TMX3: variants seen among roughly 807,000 people sequenced by gnomAD.
TMX3 encodes the protein protein disulfide-isomerase TMX3.
A neutral mutation model predicts 64.4 loss-of-function variants in TMX3; 40 were observed. That is an observed-to-expected ratio of 0.62 (90% CI 0.48 to 0.81). The LOEUF (loss-of-function observed/expected upper bound fraction) is 0.81, where lower values mean the gene tolerates loss of function less well. Among genes scored for constraint, TMX3 ranks in the 30% least tolerant of loss-of-function variants. The pLI, the probability that TMX3 is intolerant of heterozygous loss-of-function variation, is 0.00. For synonymous variants in TMX3, 189 were observed against 175.7 expected (o/e 1.08, Z -0.60); for missense variants, 497 against 534.5 (o/e 0.93, Z 0.69).
chr18:68,715,022 G>A lies in TMX3; in HGVS notation c.-41C>T, dbSNP rs766185629. ...CTGCAGAAGCTGACTGTGCAAAAGA[G>A]GGATAAAGACACTGGGGTCCGCCGC... On this transcript the variant is annotated 5_prime_UTR_variant, in exon 1 of 16. Transcript: ENST00000299608. 6 of 1,555,068 alleles carry A rather than the reference G, an allele frequency of 3.9e-6. No homozygotes were observed. The highest frequency in any genetic ancestry group is 3.6e-5 in the South Asian group (3 of 84,302).
At chr18:68,677,425 A>G (rs1913029509) in intron 15 of TMX3, among the ~76,000 whole-genome samples, 1 of 152,132 alleles carries the variant, frequency 6.6e-6, no homozygotes, top group Non-Finnish European at 1.5e-5. Context: ...TTAGCAACAG[A>G]AAAAGGCATC....
Position 68,676,865 on chromosome 18 carries a change from G to C in TMX3, c.*68C>G, listed in dbSNP as rs1568176397. On this transcript the variant is annotated 3_prime_UTR_variant, in exon 16 of 16. Transcript: ENST00000299608. ...TTTTCTGTAAAGATCATGATTAAAT[G>C]TCTAAATTCAATAAATAGACTCTTT... 1.3e-6 allele frequency: 2 copies of C among 1,518,662 alleles called. No homozygotes were observed. The highest frequency in any genetic ancestry group is 2.8e-5 in the African/African-American group (2 of 71,476). The allele number at this position is 1,518,662 out of a possible 1,614,324, so 94.1% of individuals were successfully genotyped here.
chr18:68,698,161 T>A (rs775985563), intron 6 of TMX3, 130 bp from the exon 7 acceptor site: 1 of 634,434 alleles, frequency 1.6e-6, no homozygotes, highest in South Asian at 2.1e-5. Context: ...TTTAAGTATA[T>A]CACAAAATCC....
At chr18:68,714,837 C>A (rs538910176) in intron 1 of TMX3, 99 bp downstream of exon 1, 2 of 1,478,106 alleles carry the variant, frequency 1.4e-6, no homozygotes, top group South Asian at 2.5e-5. Flanking sequence ...TCTCCACGAA[C>A]CCCGCAGGCC....
Position 68,701,796 on chromosome 18 carries a change from T to C in TMX3, c.266-6A>G. On this transcript the variant is annotated splice_polypyrimidine_tract_variant and splice_region_variant and intron_variant, in intron 4 of 15. Transcript: ENST00000299608. ...TCCAAACTCTGAAGCAATGCCTTGA[T>C]AAGAAAAAGAATAAAGCATTCTAAA... 1.2e-6 allele frequency: 2 copies of C among 1,609,736 alleles called. No homozygotes were observed. Among genetic ancestry groups the C allele is most frequent in the Non-Finnish European group, 1.7e-6 (2 of 1,178,548 alleles).
chr18:68,677,554 T>A (rs1913042822), intron 15 of TMX3, among the ~76,000 whole-genome samples: 1 of 152,120 alleles, frequency 6.6e-6, no homozygotes, highest in Admixed American at 6.6e-5. Context: ...ACCACAGGAA[T>A]CTGCTTATGG....
At chr18:68,694,640 CCA>C (rs150568037) in intron 8 of TMX3, among the ~76,000 whole-genome samples, 7,148 of 152,176 alleles carry the variant, frequency 0.047, 439 homozygotes, top group African/African-American at 0.14. Context: ...GCGCCAGTGG[CCA>C]CAGAGGTTTC....
chr18:68,691,362 C>A lies in TMX3; in HGVS notation c.571-1G>T. 6.7e-7 allele frequency: 1 copy of A among 1,502,590 alleles called. No individual in the cohort carries two copies. Among genetic ancestry groups the A allele is most frequent in the South Asian group, 1.4e-5 (1 of 73,052 alleles). 93.1% of individuals were successfully genotyped at this position (1,502,590 alleles called of 1,614,324 possible). A position where few individuals can be genotyped will look rare whatever the true frequency, so the allele number is the denominator to read the frequency against. On this transcript the variant is annotated splice_acceptor_variant, in intron 8 of 15. Coordinates refer to ENST00000299608, the MANE Select transcript of TMX3 (RefSeq NM_019022.5). LOFTEE classifies it high-confidence loss of function. The stretch of plus-strand genomic sequence containing the variant: ...CTGGCATCTCTTTTAGTGTCACATA[C>A]TGCAAAAAATCAGAAGTTTAAATAA...
chr18:68,686,220 G>A (rs1161968273), intron 10 of TMX3, among the ~76,000 whole-genome samples: 1 of 152,124 alleles, frequency 6.6e-6, no homozygotes, highest in African/African-American at 2.4e-5. Flanking sequence ...CCTAACAGGG[G>A]CAATTATGTC....
chr18:68,692,526 C>G (rs1914625200), intron 8 of TMX3, among the ~76,000 whole-genome samples: 1 of 152,092 alleles, frequency 6.6e-6, no homozygotes, highest in South Asian at 2.1e-4. Flanking sequence ...TTCATAAATA[C>G]CCGTTGTAAA....
In TMX3 at chr18:68,715,096, C is replaced by T. The variant is rs1454970419; in HGVS notation, c.-115G>A. The T allele has an allele frequency of 6.6e-7, 1 of 1,522,088 alleles. No homozygotes were observed. The highest frequency in any genetic ancestry group is 1.2e-5 in the South Asian group (1 of 80,910). 94.3% of individuals were successfully genotyped at this position (1,522,088 alleles called of 1,614,324 possible). On this transcript the variant is annotated 5_prime_UTR_variant, in exon 1 of 16. Transcript: ENST00000299608. Reference sequence around the variant, plus strand: ...GAGCCGACCCGGAGCGGAAGAGAAGCACCGCGCTAACTACGGGGGCGGGGC... The same window carrying T: ...GAGCCGACCCGGAGCGGAAGAGAAGTACCGCGCTAACTACGGGGGCGGGGC...
intron 3 of TMX3, among the ~76,000 whole-genome samples, chr18:68,710,496 T>C (rs2031166367): frequency 6.6e-6 from 1 of 152,194 alleles, no homozygotes; most frequent in Non-Finnish European, 1.5e-5. Flanking sequence ...ATATACAACA[T>C]ACACACCTAA....
chr18:68,709,586 G>A (rs569901975), intron 4 of TMX3, among the ~76,000 whole-genome samples: 21 of 152,124 alleles, frequency 1.4e-4, no homozygotes, highest in Admixed American at 1.2e-3. Flanking sequence ...CTATTATTTT[G>A]CTCTAGTATT....
intron 12 of TMX3, 102 bp from the exon 13 acceptor site, chr18:68,683,083 A>G: frequency 8.8e-7 from 1 of 1,137,514 alleles, no homozygotes; most frequent in African/African-American, 1.6e-5. Context: ...TAAAACAATG[A>G]AGTTAAATTC....
At chr18:68,688,563 A>T (rs1450187472) in intron 9 of TMX3, 2 of 152,214 alleles carry the variant, frequency 1.3e-5, no homozygotes, top group Non-Finnish European at 2.9e-5. Context: ...TGAAGAATGG[A>T]TTTTAATGAC....
intron 4 of TMX3, among the ~76,000 whole-genome samples, chr18:68,704,708 G>A (rs2030489778): frequency 6.6e-6 from 1 of 152,154 alleles, no homozygotes; most frequent in African/African-American, 2.4e-5. Context: ...TGCAACAAGA[G>A]TTATAGCTTT....
intron 6 of TMX3, among the ~76,000 whole-genome samples, chr18:68,699,035 C>A (rs393578): frequency 0.25 from 37,322 of 149,112 alleles, 8,334 homozygotes; most frequent in African/African-American, 0.6. Flanking sequence ...AAAAAAAAAA[C>A]CAAAAACTAA....
chr18:68,698,869 A>T (rs1915376377), intron 6 of TMX3, among the ~76,000 whole-genome samples: 1 of 62,418 alleles, frequency 1.6e-5, no homozygotes, highest in African/African-American at 3.5e-5. Flanking sequence ...ACAAAAAAAA[A>T]AAATTAGCCG....
chr18:68,677,329 C>A, intron 15 of TMX3, 136 bp from the exon 16 acceptor site: 1 of 880,952 alleles, frequency 1.1e-6, no homozygotes, highest in Non-Finnish European at 1.7e-6. Context: ...TCAATCATTT[C>A]AGCAGTAACT....
Sources: gnomAD v4.1 joint callset for allele counts (sites outside exome capture counted in the v4.1 genomes callset) on GRCh38, gnomAD v4.1.1 for gene constraint, MANE v1.5 for transcripts, NCBI Gene and HGNC (gene_info 2026-07-23, HGNC 2026-07-21) for gene names.